Variants in EPHX1 observed in about 807,000 individuals in gnomAD.
EPHX1 encodes the protein epoxide hydratase.
In EPHX1, 40 loss-of-function variants were observed where a neutral mutation model predicts 43.2. The observed-to-expected ratio is 0.93, with a 90% CI of 0.72 to 1.21. The LOEUF is 1.21. Ranked by LOEUF, EPHX1 falls within the 50% of genes most tolerant of loss-of-function variation. The probability of loss-of-function intolerance (pLI) is 0.00; values close to 1 mark genes in which losing one functional copy is unlikely to be tolerated. For synonymous variants in EPHX1, 221 were observed against 226.7 expected (o/e 0.98, Z 0.22); for missense variants, 550 against 570.4 (o/e 0.96, Z 0.36).
Position 225,831,869 on chromosome 1 carries a change from A to C in EPHX1, c.274A>C (p.Lys92Gln). 6.2e-7 allele frequency: 1 copy of C among 1,614,210 alleles called. No homozygotes were observed. The highest frequency in any genetic ancestry group is 8.5e-7 in the Non-Finnish European group (1 of 1,180,038). ...TGGCTTCAACTCCAACTACCTGAAG[A>C]AAGTCATCTCCTACTGGCGGAATGA... ...HYGFNSNYLKKVISYWRNEFD... is the reference protein window; with the variant it reads ...HYGFNSNYLKQVISYWRNEFD... Residue 92 changes from lysine (K) to glutamine (Q), a missense_variant, in exon 3 of 9, where the codon AAA becomes CAA. Lys to Gln is a moderately conservative substitution (Grantham distance 53). Transcript: ENST00000272167.
chr1:225,828,061 G>A (rs1359180306), intron 1 of EPHX1, among the ~76,000 whole-genome samples: 7 of 152,172 alleles, frequency 4.6e-5, no homozygotes, highest in Admixed American at 4.6e-4. Context: ...AAAAACATGA[G>A]GCTGTCGGGC....
chr1:225,844,070 G>A (rs1368726292), intron 7 of EPHX1, among the ~76,000 whole-genome samples: 1 of 152,136 alleles, frequency 6.6e-6, no homozygotes, highest in African/African-American at 2.4e-5. Flanking sequence ...GTAAAATGGA[G>A]ATAATAGTAC....
intron 7 of EPHX1, among the ~76,000 whole-genome samples, chr1:225,843,040 G>A (rs1386243829): frequency 6.6e-6 from 1 of 152,196 alleles, no homozygotes; most frequent in African/African-American, 2.4e-5. Context: ...ACAGTGCTGG[G>A]GATGGGAAAG....
chr1:225,819,812 T>A (rs2102690897), intron 1 of EPHX1, among the ~76,000 whole-genome samples: 1 of 152,278 alleles, frequency 6.6e-6, no homozygotes, highest in East Asian at 1.9e-4. Flanking sequence ...TAACTCTTTG[T>A]CCGCACTTAA....
chr1:225,826,937 G>A (rs929844611), intron 1 of EPHX1, among the ~76,000 whole-genome samples: 3 of 152,122 alleles, frequency 2.0e-5, no homozygotes, highest in Non-Finnish European at 4.4e-5. Flanking sequence ...TGATAGAAAC[G>A]CGGAGGTGGG....
chr1:225,839,275 C>G lies in EPHX1; in HGVS notation c.651C>G (p.Phe217Leu), dbSNP rs1475947814. ...IFYKLMLRLG[F>L]QEFYIQGGDW... ...ACAAGCTGATGCTGCGGCTGGGCTT[C>G]CAGGAATTCTACATTCAAGGAGGGG... The change falls in exon 5 of 9, where the codon TTC (phenylalanine) becomes TTG (leucine). Residue 217 changes from phenylalanine to leucine, a missense_variant. Coordinates refer to ENST00000272167, the MANE Select transcript of EPHX1 (RefSeq NM_001136018.4). The G allele has an allele frequency of 4.3e-6, 7 of 1,614,054 alleles. No individual in the cohort carries two copies. The highest frequency in any genetic ancestry group is 5.9e-6 in the Non-Finnish European group (7 of 1,180,016).
chr1:225,827,663 G>A (rs1382042270), intron 1 of EPHX1, among the ~76,000 whole-genome samples: 1 of 152,236 alleles, frequency 6.6e-6, no homozygotes, highest in Non-Finnish European at 1.5e-5. Flanking sequence ...GGGAGCGACA[G>A]CTGAAGGGTA....
At chr1:225,818,275 TCTA>T (rs1269801979) in intron 1 of EPHX1, among the ~76,000 whole-genome samples, 3 of 152,368 alleles carry the variant, frequency 2.0e-5, no homozygotes, top group African/African-American at 7.2e-5. Flanking sequence ...TAATTAAGCT[TCTA>T]CTAGAATGCC....
At position 225,829,214 on chromosome 1, in the gene EPHX1, T is replaced by G. The variant is rs45531440; in HGVS notation, c.183+302T>G. Among the ~76,000 whole-genome samples, 190 of 152,260 alleles carry G rather than the reference T, an allele frequency of 1.2e-3. 1 individual carries two copies. The highest frequency in any genetic ancestry group is 2.3e-3 in the Non-Finnish European group (158 of 68,000). Reference sequence around the variant, plus strand: ...AAAGCAGCTGTCATCACCTCCTCTATGCCCTGCCTGAAGCCTTGGGAGTGA... The same window carrying G: ...AAAGCAGCTGTCATCACCTCCTCTAGGCCCTGCCTGAAGCCTTGGGAGTGA... On this transcript the variant is annotated intron_variant, in intron 2 of 8. Transcript: ENST00000272167.
At position 225,817,053 on chromosome 1, in the gene EPHX1, C is replaced by T. The variant is rs72754948; in HGVS notation, c.-6+6884C>T. Among the ~76,000 whole-genome samples the T allele has an allele frequency of 8.4e-3, 1,278 of 152,230 alleles. 10 individuals are homozygous for T. Among genetic ancestry groups the T allele is most frequent in the Non-Finnish European group, 0.014 (985 of 67,996 alleles). On this transcript the variant is annotated intron_variant, in intron 1 of 8. Transcript: ENST00000272167. This position sits in a 1 kb window ranked among gnomAD's most constrained non-coding sequence, Gnocchi z 5.7. ...TTTCCTGCTTGTAAACTGCATTTTT[C>T]CTTTCCCTTGGTTTCTGGCTCTAAG... is the stretch of plus-strand genomic sequence containing the variant.
intron 6 of EPHX1, among the ~76,000 whole-genome samples, chr1:225,841,601 CTTT>C (rs35827447): frequency 5.7e-5 from 6 of 104,418 alleles, no homozygotes; most frequent in African/African-American, 7.7e-5. Flanking sequence ...CTGTCCCAGC[CTTT>C]TTTTTTTTTT....
At chr1:225,829,967 A>G (rs958071678) in intron 2 of EPHX1, among the ~76,000 whole-genome samples, 1 of 151,940 alleles carries the variant, frequency 6.6e-6, no homozygotes, top group African/African-American at 2.4e-5. Flanking sequence ...AATCCCAGCT[A>G]CTCGGGAGGC....
intron 1 of EPHX1, among the ~76,000 whole-genome samples, chr1:225,819,974 C>T (rs889461465): frequency 2.6e-5 from 4 of 152,166 alleles, no homozygotes; most frequent in East Asian, 1.9e-4. Context: ...GCGTATTTGC[C>T]GCAGCCACCA....
intron 1 of EPHX1, among the ~76,000 whole-genome samples, chr1:225,818,670 C>A (rs1378943998): frequency 6.6e-6 from 1 of 152,088 alleles, no homozygotes; most frequent in Non-Finnish European, 1.5e-5. Flanking sequence ...ATATTGATAC[C>A]AGTAGCACTC....
chr1:225,827,141 C>T (rs45597933), intron 1 of EPHX1, among the ~76,000 whole-genome samples: 1 of 152,186 alleles, frequency 6.6e-6, no homozygotes, highest in African/African-American at 2.4e-5. Context: ...ACTCCAGGGC[C>T]TCTGCAACCC....
At chr1:225,825,507 G>A (rs1404516035) in intron 1 of EPHX1, 1 of 152,246 alleles carries the variant, frequency 6.6e-6, no homozygotes, top group East Asian at 1.9e-4. Flanking sequence ...ATCCTAGAGG[G>A]AAGCGACAGC....
At chr1:225,834,589 TAAAA>T (rs33985896) in intron 3 of EPHX1, among the ~76,000 whole-genome samples, 12 of 121,152 alleles carry the variant, frequency 9.9e-5, no homozygotes, top group Admixed American at 7.8e-4. Flanking sequence ...CCAAGAACAC[TAAAA>T]AAAAAAAAAA....
rs550644871 is a variant in EPHX1, at chr1:225,833,712, G to A, written c.364+1753G>A. On this transcript the variant is annotated intron_variant, in intron 3 of 8. Coordinates refer to ENST00000272167, the MANE Select transcript of EPHX1 (RefSeq NM_001136018.4). ...CGGGAGGATGAGGCAGGAGAATGGC[G>A]TGAACCCAGGAGATGGAGCTTGTGG... Among the ~76,000 whole-genome samples the A allele has an allele frequency of 5.3e-5, 8 of 150,918 alleles. 1 individual carries two copies. The South Asian group carries it at 1.3e-3, about 24-fold the overall frequency.
intron 3 of EPHX1, among the ~76,000 whole-genome samples, chr1:225,837,795 C>G (rs1396243726): frequency 2.0e-5 from 3 of 152,180 alleles, no homozygotes; most frequent in Non-Finnish European, 4.4e-5. Flanking sequence ...GCTGGGATTA[C>G]AGGCGTGAGC....
Sources: gnomAD v4.1 joint callset for allele counts (sites outside exome capture counted in the v4.1 genomes callset) on GRCh38, gnomAD v4.1.1 for gene constraint, Gnocchi (gnomAD v3.1) non-coding constraint, MANE v1.5 for transcripts, NCBI Gene and HGNC (gene_info 2026-07-23, HGNC 2026-07-21) for gene names.